Variants in CAP2 observed in about 807,000 individuals in gnomAD.
CAP2 encodes the protein cyclase associated actin cytoskeleton regulatory protein 2, also known as adenylyl cyclase-associated protein 2.
A neutral mutation model predicts 57.7 loss-of-function variants in CAP2; 24 were observed. The ratio of observed to expected loss-of-function variants is 0.42; its 90% CI spans 0.30 to 0.58. The LOEUF is 0.58. CAP2 is among the 20% of genes least tolerant of loss of function. The pLI is 0.22. For missense variants in CAP2, 501 were observed against 590.3 expected (o/e 0.85, Z 1.57); for synonymous variants, 194 against 207.2 (o/e 0.94, Z 0.55).
At chr6:17,549,293 G>A (rs746890983) in intron 11 of CAP2, among the ~76,000 whole-genome samples, 2 of 152,194 alleles carry the variant, frequency 1.3e-5, no homozygotes, top group African/African-American at 4.8e-5. Flanking sequence ...GAGAAGTCCC[G>A]TCTCTACTGA....
intron 4 of CAP2, among the ~76,000 whole-genome samples, chr6:17,499,598 C>G (rs1426918041): frequency 6.6e-6 from 1 of 151,836 alleles, no homozygotes; most frequent in Non-Finnish European, 1.5e-5. Flanking sequence ...GCCTGTAATC[C>G]CAGACTTTGA....
At chr6:17,423,178 C>G (rs1355244551) in intron 2 of CAP2, among the ~76,000 whole-genome samples, 1 of 152,204 alleles carries the variant, frequency 6.6e-6, no homozygotes, top group African/African-American at 2.4e-5. Flanking sequence ...ATTGGTGCTT[C>G]TAGAATTTCA....
chr6:17,476,205 T>C (rs1021193717), intron 4 of CAP2, among the ~76,000 whole-genome samples: 4 of 152,224 alleles, frequency 2.6e-5, no homozygotes, highest in Non-Finnish European at 5.9e-5. Context: ...CTCCATGTCC[T>C]GTAAAGTGGT....
At chr6:17,470,285 G>A (rs895111232) in intron 4 of CAP2, among the ~76,000 whole-genome samples, 1 of 152,098 alleles carries the variant, frequency 6.6e-6, no homozygotes, top group Admixed American at 6.5e-5. Context: ...TTCTAAGCCC[G>A]TGTTTTCTTG....
At chr6:17,422,589 TC>T (rs1759479238) in intron 2 of CAP2, among the ~76,000 whole-genome samples, 1 of 152,148 alleles carries the variant, frequency 6.6e-6, no homozygotes, top group African/African-American at 2.4e-5. Flanking sequence ...GACCTCGTGA[TC>T]CGCCTGCCTC....
At position 17,526,274 on chromosome 6, in the gene CAP2, T is replaced by C. The variant is rs554551521; in HGVS notation, c.636+12320T>C. Among the ~76,000 whole-genome samples the C allele has an allele frequency of 6.3e-3, 959 of 152,118 alleles. 13 individuals carry two copies. Among genetic ancestry groups the C allele is most frequent in the African/African-American group, 0.022 (899 of 41,502 alleles). ...CTGGGATTACAGGCACGCACCACCA[T>C]ACCTGACTAATTTTTGTATTTTTAG... On this transcript the variant is annotated intron_variant, in intron 7 of 12. Coordinates refer to ENST00000229922, the MANE Select transcript of CAP2 (RefSeq NM_006366.3).
At chr6:17,450,303 G>A (rs1183520825) in intron 3 of CAP2, among the ~76,000 whole-genome samples, 3 of 152,100 alleles carry the variant, frequency 2.0e-5, no homozygotes, top group Non-Finnish European at 4.4e-5. Context: ...CGCCTGTCTC[G>A]GCCCCCAAAG....
intron 3 of CAP2, among the ~76,000 whole-genome samples, chr6:17,444,511 A>C (rs1197946955): frequency 2.0e-5 from 3 of 151,786 alleles, no homozygotes. Flanking sequence ...GTGGCATGCT[A>C]GGACCTGTAG....
chr6:17,400,707 CA>C (rs1003395878), intron 1 of CAP2, among the ~76,000 whole-genome samples: 1 of 150,958 alleles, frequency 6.6e-6, no homozygotes, highest in Non-Finnish European at 1.5e-5. Flanking sequence ...ACTAAAAATA[CA>C]AAAAAAATTA....
chr6:17,400,591 C>G (rs959819199), intron 1 of CAP2, among the ~76,000 whole-genome samples: 15 of 151,860 alleles, frequency 9.9e-5, no homozygotes, highest in Admixed American at 1.3e-4. Context: ...TGGCCGGGCA[C>G]AGTGGCTCAT....
intron 4 of CAP2, among the ~76,000 whole-genome samples, chr6:17,502,895 T>C (rs577457435): frequency 2.0e-5 from 3 of 152,324 alleles, no homozygotes; most frequent in Admixed American, 2.0e-4. Flanking sequence ...AGCTGCCTTC[T>C]GGGGAAACTG....
At chr6:17,492,876 T>C (rs1418895874) in intron 4 of CAP2, among the ~76,000 whole-genome samples, 3 of 152,182 alleles carry the variant, frequency 2.0e-5, no homozygotes, top group Admixed American at 1.3e-4. Flanking sequence ...TCCCCACTTA[T>C]GTATCGCAAG....
intron 7 of CAP2, among the ~76,000 whole-genome samples, chr6:17,517,833 AG>A (rs1435771436): frequency 1.3e-5 from 2 of 152,134 alleles, no homozygotes; most frequent in Non-Finnish European, 2.9e-5. Context: ...CCCGGGAGGC[AG>A]TGGTTGTAGT....
chr6:17,522,029 A>T (rs1197574424), intron 7 of CAP2, among the ~76,000 whole-genome samples: 1 of 151,992 alleles, frequency 6.6e-6, no homozygotes, highest in Admixed American at 6.6e-5. Flanking sequence ...GAATCGCTTG[A>T]ACCTGGGAGG....
chr6:17,444,813 C>CACACAG, intron 3 of CAP2, among the ~76,000 whole-genome samples: 1 of 146,204 alleles, frequency 6.8e-6, no homozygotes, highest in Non-Finnish European at 1.5e-5. Flanking sequence ...TCCACACACA[C>CACACAG]ACACACACAC....
intron 7 of CAP2, among the ~76,000 whole-genome samples, chr6:17,517,167 A>G (rs1024962703): frequency 5.3e-5 from 8 of 152,238 alleles, no homozygotes; most frequent in African/African-American, 1.7e-4. Context: ...ATTAGAGAAC[A>G]GTAAAATGAA....
In CAP2 at chr6:17,542,832, T is replaced by G. The variant is rs1762938655; in HGVS notation, c.1003-5T>G. ...GTTTAATATTTGTATTTGTCTTAAT[T>G]CTAGGAGTACCAAGAGGACAGGAAT... is the stretch of plus-strand genomic sequence containing the variant. On this transcript the variant is annotated splice_region_variant and splice_polypyrimidine_tract_variant and intron_variant, in intron 9 of 12. Coordinates refer to ENST00000229922, the MANE Select transcript of CAP2 (RefSeq NM_006366.3). The G allele has an allele frequency of 3.7e-6, 6 of 1,606,584 alleles. No homozygotes were observed. Among genetic ancestry groups the G allele is most frequent in the Non-Finnish European group, 5.1e-6 (6 of 1,175,318 alleles).
At chr6:17,449,575 T>G (rs1760351450) in intron 3 of CAP2, among the ~76,000 whole-genome samples, 1 of 151,894 alleles carries the variant, frequency 6.6e-6, no homozygotes, top group Non-Finnish European at 1.5e-5. Flanking sequence ...CTTGGCTAAT[T>G]TTTTGTATTT....
chr6:17,478,282 G>T (rs1000068368), intron 4 of CAP2, among the ~76,000 whole-genome samples: 1 of 147,034 alleles, frequency 6.8e-6, no homozygotes, highest in African/African-American at 2.5e-5. Flanking sequence ...CCACAGACGT[G>T]CACCACTACA....
Sources: allele counts gnomAD v4.1 joint callset (sites outside exome capture counted in the v4.1 genomes callset), GRCh38; gene constraint gnomAD v4.1.1; transcripts MANE v1.5; gene names NCBI Gene and HGNC (gene_info 2026-07-23, HGNC 2026-07-21).